Variants in SLC24A2 observed in about 807,000 individuals in gnomAD.
The protein encoded by SLC24A2 is sodium/potassium/calcium exchanger 2.
SLC24A2 carries 36 observed loss-of-function variants against 62.0 expected under a neutral mutation model. The ratio of observed to expected loss-of-function variants is 0.58; its 90% CI spans 0.44 to 0.77. The LOEUF (loss-of-function observed/expected upper bound fraction) is 0.77, where lower values mean the gene tolerates loss of function less well. Among genes scored for constraint, SLC24A2 ranks in the 30% least tolerant of loss-of-function variants. SLC24A2 has a pLI of 0.00. For missense variants in SLC24A2, 846 were observed against 817.9 expected (o/e 1.03, Z -0.42); for synonymous variants, 358 against 294.0 (o/e 1.22, Z -2.23).
chr9:19,694,792 G>C (rs1198714055), intron 2 of SLC24A2, among the ~76,000 whole-genome samples: 2 of 152,150 alleles, frequency 1.3e-5, no homozygotes, highest in East Asian at 3.9e-4. Flanking sequence ...AGGAGGCTGA[G>C]CATCTGCAGA....
At chr9:19,652,306 C>A (rs1205194152) in intron 2 of SLC24A2, among the ~76,000 whole-genome samples, 1 of 152,148 alleles carries the variant, frequency 6.6e-6, no homozygotes, top group Non-Finnish European at 1.5e-5. Context: ...CCTGTCCTAA[C>A]CCCAGAAACC....
the SLC24A2 span, among the ~76,000 whole-genome samples, chr9:20,031,229 CTGTG>C: frequency 6.0e-5 from 9 of 149,302 alleles, no homozygotes; most frequent in Admixed American, 1.3e-4. Flanking sequence ...CACACACACC[CTGTG>C]TGTGTGTGTT....
At chr9:20,299,570 A>C in the SLC24A2 span, among the ~76,000 whole-genome samples, 1 of 152,208 alleles carries the variant, frequency 6.6e-6, no homozygotes, top group African/African-American at 2.4e-5. Flanking sequence ...ATCATTAGCC[A>C]GGAAGGGGAG....
At chr9:20,086,590 T>G in the SLC24A2 span, among the ~76,000 whole-genome samples, 1 of 152,196 alleles carries the variant, frequency 6.6e-6, no homozygotes, top group Non-Finnish European at 1.5e-5. Context: ...CTACTCTGGC[T>G]GTGGGGTCTC....
chr9:20,077,517 G>A, the SLC24A2 span, among the ~76,000 whole-genome samples: 1 of 152,012 alleles, frequency 6.6e-6, no homozygotes, highest in Non-Finnish European at 1.5e-5. Context: ...TACAGTGTGG[G>A]GCCCCTTCTT....
At chr9:20,114,327 T>A in the SLC24A2 span, among the ~76,000 whole-genome samples, 1 of 152,172 alleles carries the variant, frequency 6.6e-6, no homozygotes, top group Non-Finnish European at 1.5e-5. Flanking sequence ...AAAAACCTTA[T>A]GACACCTAAG....
chr9:19,869,371 A>T, the SLC24A2 span, among the ~76,000 whole-genome samples: 1 of 151,800 alleles, frequency 6.6e-6, no homozygotes. Context: ...CCTCTTACTC[A>T]TATTCTTGTT....
the SLC24A2 span, among the ~76,000 whole-genome samples, chr9:20,043,975 T>C: frequency 6.6e-6 from 1 of 152,178 alleles, no homozygotes; most frequent in Non-Finnish European, 1.5e-5. Context: ...GCAAATTTCA[T>C]TGTTGTCTCA....
intron 2 of SLC24A2, among the ~76,000 whole-genome samples, chr9:19,657,646 T>C (rs939865041): frequency 1.3e-5 from 2 of 152,162 alleles, no homozygotes; most frequent in African/African-American, 2.4e-5. Context: ...CAAATCCTGC[T>C]TTTTCAAGGC....
At chr9:20,054,836 G>T in the SLC24A2 span, among the ~76,000 whole-genome samples, 2 of 152,276 alleles carry the variant, frequency 1.3e-5, no homozygotes, top group Admixed American at 1.3e-4. Context: ...ATACCCAGTA[G>T]ATACAACAGT....
chr9:19,585,248 A>C (rs1183815685), intron 5 of SLC24A2, among the ~76,000 whole-genome samples: 1 of 152,186 alleles, frequency 6.6e-6, no homozygotes, highest in East Asian at 1.9e-4. Flanking sequence ...TTATTTATTT[A>C]CATAGTATAA....
At chr9:20,223,425 G>T in the SLC24A2 span, among the ~76,000 whole-genome samples, 2 of 152,226 alleles carry the variant, frequency 1.3e-5, no homozygotes, top group East Asian at 3.9e-4. Context: ...AGTAGTTCAA[G>T]ACCATCCTGG....
chr9:19,763,729 G>C (rs1024210630), intron 2 of SLC24A2, among the ~76,000 whole-genome samples: 3 of 152,110 alleles, frequency 2.0e-5, no homozygotes, highest in Non-Finnish European at 2.9e-5. Context: ...TTTTATTGAG[G>C]ATTTTCATAT....
chr9:20,091,871 G>C, the SLC24A2 span, among the ~76,000 whole-genome samples: 3 of 152,224 alleles, frequency 2.0e-5, no homozygotes, highest in East Asian at 3.9e-4. Flanking sequence ...ATTGGATAAA[G>C]AAAATATGGT....
chr9:20,055,224 G>A, the SLC24A2 span, among the ~76,000 whole-genome samples: 2 of 151,988 alleles, frequency 1.3e-5, no homozygotes, highest in African/African-American at 2.4e-5. Context: ...CAGATCTAGT[G>A]CTCTCATGGG....
intron 2 of SLC24A2, among the ~76,000 whole-genome samples, chr9:19,758,707 A>G (rs1350472895): frequency 6.6e-6 from 1 of 152,186 alleles, no homozygotes; most frequent in African/African-American, 2.4e-5. Flanking sequence ...CCAAGACGAA[A>G]GAAGAAACTT....
intron 2 of SLC24A2, among the ~76,000 whole-genome samples, chr9:19,706,006 T>C (rs1383405635): frequency 2.6e-5 from 4 of 152,030 alleles, no homozygotes; most frequent in African/African-American, 7.2e-5. Flanking sequence ...TTCTGTCTCG[T>C]TGATCTGTCT....
At chr9:19,785,800 C>G (rs1587325301) in intron 2 of SLC24A2, 137 bp downstream of exon 2, 1 of 1,145,518 alleles carries the variant, frequency 8.7e-7, no homozygotes, top group Non-Finnish European at 1.3e-6. Context: ...GTCTAGCTAT[C>G]ACAGAACTGC....
chr9:19,676,905 G>T (rs1483637427), intron 2 of SLC24A2, among the ~76,000 whole-genome samples: 1 of 152,096 alleles, frequency 6.6e-6, no homozygotes, highest in African/African-American at 2.4e-5. Context: ...AGTCAGAATG[G>T]CTATTAATAA....
Sources: allele counts gnomAD v4.1 joint callset (sites outside exome capture counted in the v4.1 genomes callset), GRCh38; gene constraint gnomAD v4.1.1; transcripts MANE v1.5; gene names NCBI Gene and HGNC (gene_info 2026-07-23, HGNC 2026-07-21).